Variants in NBAS observed in about 807,000 individuals in gnomAD.
The protein encoded by NBAS is NAG/BC035112 fusion.
Under a neutral mutation model 302.5 loss-of-function variants are expected in NBAS, and 219 were observed. The ratio of observed to expected loss-of-function variants is 0.72; its 90% CI spans 0.65 to 0.81. The LOEUF (loss-of-function observed/expected upper bound fraction) is 0.81. NBAS is among the 30% of genes least tolerant of loss of function. NBAS has a pLI of 0.00. For synonymous variants in NBAS, 1,118 were observed against 1,021.6 expected (o/e 1.09, Z -1.80); for missense variants, 2,932 against 2,841.6 (o/e 1.03, Z -0.72).
At chr2:15,374,540 A>G (rs1455452938) in intron 31 of NBAS, 68 bp downstream of exon 31, 6 of 1,362,630 alleles carry the variant, frequency 4.4e-6, no homozygotes, top group East Asian at 2.3e-5. Flanking sequence ...TTTAAAAACT[A>G]AAAAAGAATA....
At chr2:15,019,923 C>A in the NBAS span, among the ~76,000 whole-genome samples, 2 of 152,170 alleles carry the variant, frequency 1.3e-5, no homozygotes, top group African/African-American at 2.4e-5. Flanking sequence ...CTGTTGTTTG[C>A]AAACCACCAA....
the NBAS span, among the ~76,000 whole-genome samples, chr2:14,974,508 G>T: frequency 6.6e-6 from 1 of 152,188 alleles, no homozygotes; most frequent in Non-Finnish European, 1.5e-5. Flanking sequence ...TGAGCTAATT[G>T]ACTATCCTAG....
chr2:14,860,634 A>C, the NBAS span, among the ~76,000 whole-genome samples: 1 of 152,176 alleles, frequency 6.6e-6, no homozygotes, highest in Non-Finnish European at 1.5e-5. Flanking sequence ...ACAAAAGTGA[A>C]TCTCATGAAG....
chr2:15,229,208 A>C (rs531673974), intron 47 of NBAS, among the ~76,000 whole-genome samples: 1 of 151,372 alleles, frequency 6.6e-6, no homozygotes, highest in Non-Finnish European at 1.5e-5. Context: ...CGGGCATGGT[A>C]GTGGGCACCT....
chr2:15,031,263 TAGCTGTGTG>T, the NBAS span, among the ~76,000 whole-genome samples: 1 of 152,172 alleles, frequency 6.6e-6, no homozygotes, highest in African/African-American at 2.4e-5. Context: ...TACCACTAAA[TAGCTGTGTG>T]AGCTTGGACA....
chr2:15,218,925 G>T lies in NBAS; in HGVS notation c.6280C>A (p.Pro2094Thr), dbSNP rs746350433. ...SPEDLLEWLR[P>T]FCADDAWPVR... is the part of the protein sequence containing the mutation. ...GGCCAGGCGTCATCAGCACAGAAAG[G>T]CCGCAGCCACTCCAGCAGGTCCTCA... is the stretch of plus-strand genomic sequence containing the variant. Residue 2094 changes from proline (P) to threonine (T), a missense_variant, in exon 48 of 52, where the codon CCT becomes ACT. Transcript: ENST00000281513. 38 of 1,614,038 alleles carry T rather than the reference G, an allele frequency of 2.4e-5. No homozygotes were observed. The highest frequency in any genetic ancestry group is 3.2e-5 in the Non-Finnish European group (38 of 1,180,054).
intron 47 of NBAS, among the ~76,000 whole-genome samples, chr2:15,224,284 T>TATA (rs1179042519): frequency 6.6e-6 from 1 of 152,224 alleles, no homozygotes; most frequent in Non-Finnish European, 1.5e-5. Flanking sequence ...AAGACAGATT[T>TATA]TTTAAGAATA....
chr2:15,545,928 T>C (rs1039387689), intron 6 of NBAS, among the ~76,000 whole-genome samples: 10 of 152,196 alleles, frequency 6.6e-5, no homozygotes, highest in African/African-American at 2.4e-4. Flanking sequence ...ATGATGATTT[T>C]CCCTTGCTGG....
At chr2:15,219,227 G>A (rs542104882) in intron 47 of NBAS, among the ~76,000 whole-genome samples, 153 of 151,770 alleles carry the variant, frequency 1.0e-3, no homozygotes, top group African/African-American at 3.5e-3. Context: ...TCCTTGGCTA[G>A]CTTATTTCAA....
chr2:15,531,962 T>C (rs1663238022), intron 9 of NBAS, among the ~76,000 whole-genome samples: 4 of 152,280 alleles, frequency 2.6e-5, no homozygotes, highest in African/African-American at 9.6e-5. Context: ...TTTATATTCA[T>C]TGTTTGTTGT....
chr2:14,800,934 G>C, the NBAS span, among the ~76,000 whole-genome samples: 42 of 151,556 alleles, frequency 2.8e-4, no homozygotes, highest in Non-Finnish European at 5.2e-4. Context: ...GTGTAGTTCT[G>C]TAGGTGATAA....
At chr2:14,926,221 C>T in the NBAS span, among the ~76,000 whole-genome samples, 2 of 152,202 alleles carry the variant, frequency 1.3e-5, no homozygotes, top group African/African-American at 2.4e-5. Context: ...ACTACAATTA[C>T]GGGAACAGAG....
intron 32 of NBAS, among the ~76,000 whole-genome samples, 171 bp from the exon 33 acceptor site, chr2:15,356,587 T>C (rs891366878): frequency 6.6e-6 from 1 of 152,192 alleles, no homozygotes; most frequent in Non-Finnish European, 1.5e-5. Flanking sequence ...TTATGAAGCA[T>C]GGAATTAGCC....
At chr2:15,210,539 C>A (rs184549329) in intron 48 of NBAS, among the ~76,000 whole-genome samples, 1 of 152,024 alleles carries the variant, frequency 6.6e-6, no homozygotes, top group African/African-American at 2.4e-5. Flanking sequence ...TAAATTAGTA[C>A]AAAAACTATG....
chr2:15,524,398 T>A (rs1301788396), intron 9 of NBAS, among the ~76,000 whole-genome samples: 1 of 152,210 alleles, frequency 6.6e-6, no homozygotes, highest in Non-Finnish European at 1.5e-5. Context: ...ATATAGATTG[T>A]GTGCCTGCAC....
chr2:14,986,850 C>T, the NBAS span, among the ~76,000 whole-genome samples: 1 of 151,998 alleles, frequency 6.6e-6, no homozygotes, highest in African/African-American at 2.4e-5. Context: ...GCTAGAAATG[C>T]CATCATTTGA....
chr2:14,855,555 TC>T, the NBAS span, among the ~76,000 whole-genome samples: 1 of 151,988 alleles, frequency 6.6e-6, no homozygotes, highest in Non-Finnish European at 1.5e-5. Context: ...GAATGGTGAG[TC>T]CCAGGCTAGG....
chr2:15,270,518 A>G (rs75590650), intron 44 of NBAS, among the ~76,000 whole-genome samples: 7,152 of 151,982 alleles, frequency 0.047, 204 homozygotes, highest in South Asian at 0.079. Flanking sequence ...ATAAACAAAA[A>G]CTCTTTAGAA....
chr2:15,435,427 T>A (rs1410028815), intron 21 of NBAS, among the ~76,000 whole-genome samples: 1 of 152,172 alleles, frequency 6.6e-6, no homozygotes, highest in African/African-American at 2.4e-5. Flanking sequence ...ATATAGTACT[T>A]AACTATCTGC....
Sources: gnomAD v4.1 joint callset for allele counts (sites outside exome capture counted in the v4.1 genomes callset) on GRCh38, gnomAD v4.1.1 for gene constraint, MANE v1.5 for transcripts, NCBI Gene and HGNC (gene_info 2026-07-23, HGNC 2026-07-21) for gene names.